SMCO2: variants seen among roughly 807,000 people sequenced by gnomAD.
The protein encoded by SMCO2 is single-pass membrane and coiled-coil domain-containing protein 2.
SMCO2 carries 25 observed loss-of-function variants against 29.5 expected under a neutral mutation model. The observed-to-expected ratio is 0.85, with a 90% CI of 0.62 to 1.18. The LOEUF (loss-of-function observed/expected upper bound fraction) is 1.18. Among genes scored for constraint, SMCO2 ranks in the 50% most tolerant of loss-of-function variants. The pLI is 0.00. For missense variants in SMCO2, 348 were observed against 344.5 expected (o/e 1.01, Z -0.08); for synonymous variants, 117 against 123.3 (o/e 0.95, Z 0.34).
chr12:27,470,725 T>A (rs73086401), exon 2 of SMCO2: 64 of 1,551,102 alleles, frequency 4.1e-5, no homozygotes, highest in Non-Finnish European at 5.5e-5. Flanking sequence ...AAACAATGGC[T>A]TTTTCCAAAA....
At chr12:27,425,882 A>G in the SMCO2 span, among the ~76,000 whole-genome samples, 1 of 152,180 alleles carries the variant, frequency 6.6e-6, no homozygotes, top group Non-Finnish European at 1.5e-5. Context: ...AGCTGTTGGC[A>G]TCTGACATCT....
upstream of SMCO2, among the ~76,000 whole-genome samples, chr12:27,462,130 G>C (rs1369044901): frequency 6.6e-6 from 1 of 152,146 alleles, no homozygotes; most frequent in Non-Finnish European, 1.5e-5. Context: ...CCACGTAAGG[G>C]GATTTCACAA....
At chr12:27,479,605 C>T (rs1295010404) in intron 4 of SMCO2, among the ~76,000 whole-genome samples, 1 of 152,142 alleles carries the variant, frequency 6.6e-6, no homozygotes, top group African/African-American at 2.4e-5. Flanking sequence ...TGAATTGTAG[C>T]TCCCATAATT....
intron 4 of SMCO2, among the ~76,000 whole-genome samples, chr12:27,479,703 T>C (rs1341280804): frequency 6.6e-6 from 1 of 152,098 alleles, no homozygotes; most frequent in Non-Finnish European, 1.5e-5. Context: ...AGAGAATAAG[T>C]TCACAAGATC....
At chr12:27,436,219 C>A in the SMCO2 span, among the ~76,000 whole-genome samples, 321 of 152,334 alleles carry the variant, frequency 2.1e-3, 1 homozygote, top group African/African-American at 7.2e-3. Flanking sequence ...AGGATTTCAA[C>A]ATATGAATCA....
upstream of SMCO2, among the ~76,000 whole-genome samples, chr12:27,464,793 G>A (rs1442851650): frequency 2.7e-5 from 4 of 149,698 alleles, no homozygotes; most frequent in South Asian, 2.1e-4. Flanking sequence ...AGGCCGAGAC[G>A]GGTGGATCAC....
chr12:27,473,570 C>T (rs1047842821), intron 3 of SMCO2, among the ~76,000 whole-genome samples: 1 of 152,048 alleles, frequency 6.6e-6, no homozygotes, highest in Non-Finnish European at 1.5e-5. Context: ...TGTTTGGGAC[C>T]ACCACTTAAC....
chr12:27,493,224 T>A (rs1438360541), intron 5 of SMCO2, among the ~76,000 whole-genome samples: 1 of 152,084 alleles, frequency 6.6e-6, no homozygotes, highest in Non-Finnish European at 1.5e-5. Context: ...GGGTAACTGT[T>A]GGCTACTGGG....
the SMCO2 span, among the ~76,000 whole-genome samples, chr12:27,425,817 G>A: frequency 2.6e-5 from 4 of 152,118 alleles, no homozygotes; most frequent in Non-Finnish European, 4.4e-5. Context: ...GAATTATAAG[G>A]TTCTATTGTC....
chr12:27,472,961 G>A, intron 3 of SMCO2, 86 bp downstream of exon 3: 1 of 950,972 alleles, frequency 1.1e-6, no homozygotes, highest in Non-Finnish European at 1.6e-6. Flanking sequence ...TCTTAAAGTG[G>A]TAAGAAAATA....
At chr12:27,442,957 A>G in the SMCO2 span, among the ~76,000 whole-genome samples, 10 of 151,976 alleles carry the variant, frequency 6.6e-5, no homozygotes, top group African/African-American at 9.7e-5. Context: ...ACCAATACCA[A>G]CCCTACTCAA....
At chr12:27,434,510 C>A in the SMCO2 span, among the ~76,000 whole-genome samples, 9 of 152,154 alleles carry the variant, frequency 5.9e-5, no homozygotes, top group African/African-American at 1.9e-4. Flanking sequence ...AACAATGACC[C>A]TCCTTCTGTA....
chr12:27,464,451 A>G (rs549222231), upstream of SMCO2, among the ~76,000 whole-genome samples: 2 of 152,226 alleles, frequency 1.3e-5, no homozygotes, highest in South Asian at 2.1e-4. Context: ...ACTCATCTCT[A>G]TAATCCTGGC....
the SMCO2 span, among the ~76,000 whole-genome samples, chr12:27,457,310 T>A: frequency 6.6e-6 from 1 of 152,174 alleles, no homozygotes; most frequent in East Asian, 1.9e-4. Context: ...TTCTTAATAA[T>A]TTTTGAACAA....
At chr12:27,436,624 G>T in the SMCO2 span, among the ~76,000 whole-genome samples, 1 of 152,198 alleles carries the variant, frequency 6.6e-6, no homozygotes, top group Non-Finnish European at 1.5e-5. Flanking sequence ...AGCTAAGGTT[G>T]ACTCTGTATG....
chr12:27,499,556 G>A (rs1174015115), intron 7 of SMCO2, among the ~76,000 whole-genome samples: 2 of 150,574 alleles, frequency 1.3e-5, no homozygotes. Flanking sequence ...CCTCTGGATT[G>A]TACAATGTAT....
At chr12:27,442,155 C>T in the SMCO2 span, among the ~76,000 whole-genome samples, 1 of 151,944 alleles carries the variant, frequency 6.6e-6, no homozygotes, top group East Asian at 1.9e-4. Context: ...AGGAATTAGA[C>T]AAGCATGAAC....
the SMCO2 span, among the ~76,000 whole-genome samples, chr12:27,438,441 G>A: frequency 1.3e-5 from 2 of 152,200 alleles, no homozygotes. Flanking sequence ...GTTCCAGGGA[G>A]AACTTAACCT....
At chr12:27,489,733 T>G (rs1949719647) in intron 5 of SMCO2, among the ~76,000 whole-genome samples, 1 of 152,196 alleles carries the variant, frequency 6.6e-6, no homozygotes, top group South Asian at 2.1e-4. Flanking sequence ...TTATTTTGTG[T>G]GAGTTGAAAG....
Sources: gnomAD v4.1 joint callset for allele counts (sites outside exome capture counted in the v4.1 genomes callset) on GRCh38, gnomAD v4.1.1 for gene constraint, MANE v1.5 for transcripts, NCBI Gene and HGNC (gene_info 2026-07-23, HGNC 2026-07-21) for gene names.